The following PPP1R16B variants were observed in gnomAD, a reference collection of about 807,000 sequenced individuals.
PPP1R16B encodes the protein protein phosphatase 1 regulatory inhibitor subunit 16B.
A neutral mutation model predicts 61.7 loss-of-function variants in PPP1R16B; 14 were observed. The observed-to-expected ratio is 0.23, with a 90% confidence interval of 0.15 to 0.35. PPP1R16B has a LOEUF of 0.35. Among genes scored for constraint, PPP1R16B ranks in the 10% least tolerant of loss-of-function variants. PPP1R16B has a pLI of 1.00. For synonymous variants in PPP1R16B, 266 were observed against 305.3 expected, an observed-to-expected ratio of 0.87 and a Z score of 1.34; for missense variants, 547 against 752.5, an observed-to-expected ratio of 0.73 and a Z score of 3.19.
intron 2 of PPP1R16B, among the ~76,000 whole-genome samples, chr20:38,874,264 T>G (rs2085150729): frequency 6.6e-6 from 1 of 152,174 alleles, no homozygotes; most frequent in Non-Finnish European, 1.5e-5. Flanking sequence ...ATTTGTTGTC[T>G]TGGAGCTTGA....
rs571915458 is a variant in PPP1R16B, at chr20:38,903,922, C to A, written c.696+1130C>A. On this transcript the variant is annotated intron_variant, in intron 6 of 10. Coordinates refer to ENST00000299824, the MANE Select transcript of PPP1R16B (RefSeq NM_015568.4). ...TACCCCACTGACTGGGGGGTGGGTG[C>A]CCTGTCCCAGGCTTAGGTTCCACGC... is the stretch of plus-strand genomic sequence containing the variant. Among the ~76,000 whole-genome samples, 15 of 152,262 alleles carry A rather than the reference C, an allele frequency of 9.9e-5. No individual in the cohort carries two copies. The South Asian group carries it at 2.9e-3, about 29-fold the overall frequency.
chr20:38,847,745 G>T (rs550605968), intron 2 of PPP1R16B, among the ~76,000 whole-genome samples: 2 of 152,182 alleles, frequency 1.3e-5, no homozygotes, highest in Non-Finnish European at 2.9e-5. Flanking sequence ...GAGACAGGGA[G>T]AAGGTGAGAA....
intron 1 of PPP1R16B, among the ~76,000 whole-genome samples, chr20:38,832,850 G>A (rs946092715): frequency 1.3e-5 from 2 of 151,458 alleles, no homozygotes; most frequent in African/African-American, 4.9e-5. Flanking sequence ...CCCAGGAGGC[G>A]GAGGTTGCAG....
chr20:38,810,800 G>C (rs2084695979), intron 1 of PPP1R16B, among the ~76,000 whole-genome samples: 1 of 152,220 alleles, frequency 6.6e-6, no homozygotes, highest in East Asian at 1.9e-4. Context: ...GAGGCACAGA[G>C]GGTGAGGCAA....
rs1381632503 is a variant in PPP1R16B at position 38,875,880 on chromosome 20, G to A, written c.251-13715G>A. On this transcript the variant is annotated intron_variant, in intron 2 of 10. Transcript: ENST00000299824. ...TTCCCTTCCTGGCCACGATCCCAGGGTTCACCTTGGACTTATATTTGTTTC... is the reference window on the plus strand; with the variant it reads ...TTCCCTTCCTGGCCACGATCCCAGGATTCACCTTGGACTTATATTTGTTTC... Among the ~76,000 whole-genome samples the A allele has an allele frequency of 2.0e-5, 3 of 151,730 alleles. No individual in the cohort carries two copies. The South Asian group carries it at 6.3e-4, about 32-fold the overall frequency.
intron 4 of PPP1R16B, among the ~76,000 whole-genome samples, chr20:38,898,680 C>T (rs908280016): frequency 6.6e-6 from 1 of 152,052 alleles, no homozygotes; most frequent in Non-Finnish European, 1.5e-5. Context: ...CGTGGTGGTG[C>T]ACGCCTGTAA....
chr20:38,900,563 C>G lies in PPP1R16B; in HGVS notation c.468-18C>G. On this transcript the variant is annotated intron_variant, in intron 4 of 10. Transcript: ENST00000299824. ...TAGCCACACCTACTTGGCCCTCACC[C>G]TGCCTCTTTCTCTGCAGTGGGGCCG... 6.3e-7 allele frequency: 1 copy of G among 1,594,016 alleles called. No homozygotes were observed. Among genetic ancestry groups the G allele is most frequent in the Non-Finnish European group, 8.5e-7 (1 of 1,170,792 alleles).
At chr20:38,865,849 G>A (rs1256533169) in intron 2 of PPP1R16B, among the ~76,000 whole-genome samples, 1 of 152,200 alleles carries the variant, frequency 6.6e-6, no homozygotes, top group African/African-American at 2.4e-5. Context: ...AAAGTGGCCA[G>A]GGGCGATGCC....
chr20:38,833,918 G>C (rs1371134309), intron 1 of PPP1R16B, among the ~76,000 whole-genome samples: 1 of 152,198 alleles, frequency 6.6e-6, no homozygotes, highest in South Asian at 2.1e-4. Context: ...TTGGAGGGGC[G>C]GGTGACGCAG....
chr20:38,870,398 G>T (rs771525181), intron 2 of PPP1R16B, among the ~76,000 whole-genome samples: 1 of 152,198 alleles, frequency 6.6e-6, no homozygotes, highest in Non-Finnish European at 1.5e-5. Flanking sequence ...ATGCTGTGAA[G>T]GAGTAAGCAA....
At chr20:38,875,240 G>C (rs1377739000) in intron 2 of PPP1R16B, among the ~76,000 whole-genome samples, 1 of 152,178 alleles carries the variant, frequency 6.6e-6, no homozygotes, top group African/African-American at 2.4e-5. Context: ...AGGAACAGAG[G>C]GTTCCAGAAG....
intron 1 of PPP1R16B, among the ~76,000 whole-genome samples, chr20:38,825,236 G>A (rs1325059950): frequency 6.6e-6 from 1 of 152,150 alleles, no homozygotes; most frequent in Admixed American, 6.5e-5. Flanking sequence ...ACAGTGCCTT[G>A]GTCCTTTTCC....
chr20:38,857,785 A>G (rs1005947671), intron 2 of PPP1R16B, among the ~76,000 whole-genome samples: 3 of 151,456 alleles, frequency 2.0e-5, no homozygotes, highest in Non-Finnish European at 1.5e-5. Context: ...CATTGACCCA[A>G]GTATCTCTCA....
At chr20:38,865,541 T>C (rs1035207522) in intron 2 of PPP1R16B, among the ~76,000 whole-genome samples, 1 of 152,124 alleles carries the variant, frequency 6.6e-6, no homozygotes, top group Non-Finnish European at 1.5e-5. Context: ...TCCGCCTGCC[T>C]CGGCCTCCTA....
chr20:38,829,142 G>A (rs1243438942), intron 1 of PPP1R16B, among the ~76,000 whole-genome samples: 1 of 152,196 alleles, frequency 6.6e-6, no homozygotes, highest in Admixed American at 6.5e-5. Flanking sequence ...TGTCAGACAA[G>A]AGGGGCTGAG....
chr20:38,849,315 T>A (rs943670513), intron 2 of PPP1R16B, among the ~76,000 whole-genome samples: 4 of 152,208 alleles, frequency 2.6e-5, no homozygotes, highest in Non-Finnish European at 2.9e-5. Flanking sequence ...ATCATTCCAG[T>A]GTTTCAGTAA....
At chr20:38,917,374 A>C (rs1003218870) in intron 10 of PPP1R16B, among the ~76,000 whole-genome samples, 33 of 151,706 alleles carry the variant, frequency 2.2e-4, no homozygotes, top group African/African-American at 6.8e-4. Context: ...ATATGTTGAA[A>C]ATATTTTCCT....
At chr20:38,844,929 G>C (rs1378012409) in intron 2 of PPP1R16B, among the ~76,000 whole-genome samples, 8 of 152,128 alleles carry the variant, frequency 5.3e-5, no homozygotes, top group Admixed American at 5.2e-4. Context: ...AACAAGGAAT[G>C]GGACAATACC....
intron 1 of PPP1R16B, among the ~76,000 whole-genome samples, chr20:38,823,376 C>T (rs1025366722): frequency 3.3e-5 from 5 of 152,232 alleles, no homozygotes; most frequent in Non-Finnish European, 5.9e-5. Flanking sequence ...CACGGTGGCT[C>T]ACACCTGTAA....
Sources: allele counts gnomAD v4.1 joint callset (sites outside exome capture counted in the v4.1 genomes callset), GRCh38; gene constraint gnomAD v4.1.1; transcripts MANE v1.5; gene names NCBI Gene and HGNC (gene_info 2026-07-23, HGNC 2026-07-21).